ADAMTS17: variants seen among roughly 807,000 people sequenced by gnomAD.
The protein encoded by ADAMTS17 is A disintegrin and metalloproteinase with thrombospondin motifs 17.
Under a neutral mutation model 141.5 loss-of-function variants are expected in ADAMTS17, and 113 were observed. The ratio of observed to expected loss-of-function variants is 0.80; its 90% confidence interval spans 0.69 to 0.93. The LOEUF (loss-of-function observed/expected upper bound fraction) is 0.93, where lower values mean the gene tolerates loss of function less well. ADAMTS17 is among the 40% of genes least tolerant of loss of function. ADAMTS17 has a pLI of 0.00. For synonymous variants in ADAMTS17, 768 were observed against 630.6 expected, an observed-to-expected ratio of 1.22 and a Z score of -3.27; for missense variants, 1,659 against 1,517.9, an observed-to-expected ratio of 1.09 and a Z score of -1.54.
chr15:100,068,496 A>T (rs1231973480), intron 15 of ADAMTS17, among the ~76,000 whole-genome samples: 1 of 152,068 alleles, frequency 6.6e-6, no homozygotes, highest in Non-Finnish European at 1.5e-5. Context: ...ATTGGGAGGC[A>T]CCCCCCAGTA....
At chr15:100,339,034 C>T (rs570345777) in intron 2 of ADAMTS17, 22 of 985,514 alleles carry the variant, frequency 2.2e-5, no homozygotes, top group Admixed American at 1.8e-4. Flanking sequence ...CTCACACGAA[C>T]GGGATGAACA....
In ADAMTS17 at chr15:99,997,713, G is replaced by C; in HGVS notation, c.2592-124C>G. Reference sequence around the variant, plus strand: ...GGAGAGAGGGAGGCAGACTCAGGAAGCTTTTCAGCCAACCCTGGACATAAC... The same window carrying C: ...GGAGAGAGGGAGGCAGACTCAGGAACCTTTTCAGCCAACCCTGGACATAAC... On this transcript the variant is annotated intron_variant, in intron 18 of 21. Coordinates refer to ENST00000268070, the MANE Select transcript of ADAMTS17 (RefSeq NM_139057.4). This position sits in a 1 kb window ranked among gnomAD's most constrained non-coding sequence, Gnocchi z 4.7. 1 of 1,212,682 alleles carries C rather than the reference G, an allele frequency of 8.2e-7. No individual in the cohort carries two copies. Among genetic ancestry groups the C allele is most frequent in the Non-Finnish European group, 1.2e-6 (1 of 842,358 alleles). 75.1% of individuals were successfully genotyped at this position (1,212,682 alleles called of 1,614,324 possible).
intron 3 of ADAMTS17, among the ~76,000 whole-genome samples, chr15:100,282,075 T>G (rs2044304161): frequency 1.3e-5 from 2 of 152,232 alleles, no homozygotes. Context: ...AATCTTACTT[T>G]GATAAACAGC....
At chr15:99,995,867 G>A (rs1402683334) in intron 19 of ADAMTS17, among the ~76,000 whole-genome samples, 1 of 152,184 alleles carries the variant, frequency 6.6e-6, no homozygotes, top group Non-Finnish European at 1.5e-5. Flanking sequence ...AGGCTGACTG[G>A]TGTGGTGCTC....
rs144817994 is a variant in ADAMTS17 at position 99,974,405 on chromosome 15, C to T, written c.3285G>A (p.Ser1095=). ...GAGCGACCCTTGGGACTGCGTGTCA[C>T]GAGTTCGGCGGTGGCTGGCGCATCT... ...ANKMRQPPPN[S] The change falls in exon 22 of 22, where the codon TCG becomes TCA. Residue 1095 remains serine (S), a synonymous_variant. Coordinates refer to ENST00000268070, the MANE Select transcript of ADAMTS17 (RefSeq NM_139057.4). 2.1e-3 allele frequency: 3,364 copies of T among 1,614,156 alleles called. 8 individuals carry two copies. The highest frequency in any genetic ancestry group is 2.8e-3 in the Admixed American group (169 of 60,026).
chr15:100,272,849 T>A (rs2043961587), intron 4 of ADAMTS17, among the ~76,000 whole-genome samples: 1 of 151,992 alleles, frequency 6.6e-6, no homozygotes, highest in South Asian at 2.1e-4. Flanking sequence ...ATGACCTTTA[T>A]AATGTTGAGG....
intron 13 of ADAMTS17, among the ~76,000 whole-genome samples, chr15:100,115,723 A>G (rs1466274809): frequency 3.9e-5 from 6 of 152,224 alleles, no homozygotes; most frequent in Non-Finnish European, 5.9e-5. Flanking sequence ...GGGAAGAAAC[A>G]TAAGACCTGG....
At chr15:100,305,014 A>G (rs933015362) in intron 3 of ADAMTS17, among the ~76,000 whole-genome samples, 1 of 152,168 alleles carries the variant, frequency 6.6e-6, no homozygotes, top group South Asian at 2.1e-4. Flanking sequence ...TACAATACCC[A>G]TTGTTTATGT....
chr15:100,016,941 C>G (rs2141427156), intron 18 of ADAMTS17, among the ~76,000 whole-genome samples: 1 of 152,222 alleles, frequency 6.6e-6, no homozygotes, highest in Non-Finnish European at 1.5e-5. Flanking sequence ...GATTATATGC[C>G]ATTTGTCTTC....
At chr15:99,974,772 C>A (rs1225336920) in intron 21 of ADAMTS17, among the ~76,000 whole-genome samples, 1 of 152,236 alleles carries the variant, frequency 6.6e-6, no homozygotes, top group Non-Finnish European at 1.5e-5. Context: ...CCAAACCCAA[C>A]CACATGACAG....
intron 15 of ADAMTS17, among the ~76,000 whole-genome samples, chr15:100,081,407 T>C (rs999005618): frequency 1.3e-5 from 2 of 152,222 alleles, no homozygotes; most frequent in African/African-American, 4.8e-5. Flanking sequence ...CCCATATATA[T>C]GTATGTGTGT....
Position 99,997,258 on chromosome 15 carries a change from G to C in ADAMTS17, c.2796+127C>G. On this transcript the variant is annotated intron_variant, in intron 19 of 21. Transcript: ENST00000268070. This position sits in a 1 kb window ranked among gnomAD's most constrained non-coding sequence, Gnocchi z 4.7. ...TGAGATGGAAATTAAGAACACATGA[G>C]CTATAACACAACTTCAAGCTGACCT... 3 of 1,014,226 alleles carry C rather than the reference G, an allele frequency of 3.0e-6. No individual in the cohort carries two copies. The highest frequency in any genetic ancestry group is 4.6e-6 in the Non-Finnish European group (3 of 650,040). 62.8% of individuals were successfully genotyped at this position (1,014,226 alleles called of 1,614,324 possible). A position where few individuals can be genotyped will look rare whatever the true frequency, so the allele number is the denominator to read the frequency against.
intron 10 of ADAMTS17, among the ~76,000 whole-genome samples, chr15:100,144,411 G>A (rs534500392): frequency 6.6e-6 from 1 of 152,116 alleles, no homozygotes; most frequent in Non-Finnish European, 1.5e-5. Flanking sequence ...TTAGCCGGGC[G>A]TGGTGGAAGG....
chr15:100,257,713 T>C (rs1173255469), intron 6 of ADAMTS17, among the ~76,000 whole-genome samples: 1 of 152,266 alleles, frequency 6.6e-6, no homozygotes, highest in Non-Finnish European at 1.5e-5. Context: ...CCTATGTGTT[T>C]AGTTAAAACA....
At chr15:100,070,944 G>A (rs182256821) in intron 15 of ADAMTS17, among the ~76,000 whole-genome samples, 5 of 150,222 alleles carry the variant, frequency 3.3e-5, no homozygotes, top group Admixed American at 2.7e-4. Context: ...AAAAATCCAT[G>A]AATCCAGGAG....
In ADAMTS17 at chr15:100,051,728, A is replaced by G. The variant is rs139499471; in HGVS notation, c.2299T>C (p.Leu767=). The change falls in exon 17 of 22, where the codon TTG becomes CTG. Residue 767 remains leucine, a synonymous_variant. Coordinates refer to ENST00000268070, the MANE Select transcript of ADAMTS17 (RefSeq NM_139057.4). ...PTKLPLHLMV[L]LFHDQDYGIH... is the part of the protein sequence containing the mutation. ...CCATAATCTTGGTCGTGAAATAACA[A>G]CACCTGGATCAGCCGCAAAACAAAA... 1 of 1,614,176 alleles carries G rather than the reference A, an allele frequency of 6.2e-7. No homozygotes were observed. Among genetic ancestry groups the G allele is most frequent in the Non-Finnish European group, 8.5e-7 (1 of 1,180,022 alleles).
chr15:99,976,425 C>T (rs370628350), intron 20 of ADAMTS17: 17 of 696,180 alleles, frequency 2.4e-5, no homozygotes, highest in African/African-American at 1.6e-4. Context: ...GGGGCTGGGA[C>T]GATGGCCTCA....
chr15:99,984,832 A>G (rs1204705598), intron 20 of ADAMTS17, among the ~76,000 whole-genome samples: 1 of 152,216 alleles, frequency 6.6e-6, no homozygotes, highest in Non-Finnish European at 1.5e-5. Context: ...ATTAGAACCT[A>G]GACTGTGGTG....
At chr15:100,218,717 A>G (rs2042042197) in intron 7 of ADAMTS17, among the ~76,000 whole-genome samples, 1 of 152,250 alleles carries the variant, frequency 6.6e-6, no homozygotes, top group African/African-American at 2.4e-5. Flanking sequence ...AAGCAATTCC[A>G]TTCCTAGTCA....
Sources: allele counts gnomAD v4.1 joint callset (sites outside exome capture counted in the v4.1 genomes callset), GRCh38; gene constraint gnomAD v4.1.1; non-coding constraint Gnocchi (gnomAD v3.1); transcripts MANE v1.5; gene names NCBI Gene and HGNC (gene_info 2026-07-23, HGNC 2026-07-21).